Variants in KPNA5 observed in about 807,000 individuals in gnomAD.
KPNA5 encodes karyopherin subunit alpha 5.
Under a neutral mutation model 71.3 loss-of-function variants are expected in KPNA5, and 46 were observed. That is an observed-to-expected ratio of 0.65 (90% confidence interval 0.51 to 0.83). The LOEUF is 0.83. KPNA5 is among the 40% of genes least tolerant of loss of function. The probability of loss-of-function intolerance (pLI) is 0.00; values close to 1 mark genes in which losing one functional copy is unlikely to be tolerated. For synonymous variants in KPNA5, 207 were observed against 201.4 expected (o/e 1.03, Z -0.24); for missense variants, 547 against 628.3 (o/e 0.87, Z 1.38).
chr6:116,702,629 A>G (rs926150936), intron 6 of KPNA5, among the ~76,000 whole-genome samples: 1 of 152,178 alleles, frequency 6.6e-6, no homozygotes, highest in East Asian at 1.9e-4. Context: ...AGATCATGCC[A>G]CTGCACTCCA....
intron 12 of KPNA5, among the ~76,000 whole-genome samples, chr6:116,728,665 A>G (rs1257219933): frequency 6.6e-6 from 1 of 151,824 alleles, no homozygotes; most frequent in East Asian, 1.9e-4. Context: ...TTTAAGAGGG[A>G]CAGAAACTTT....
At chr6:116,717,544 A>G (rs1013080181) in intron 8 of KPNA5, among the ~76,000 whole-genome samples, 2 of 152,190 alleles carry the variant, frequency 1.3e-5, no homozygotes, top group African/African-American at 4.8e-5. Context: ...CATTTCTTGC[A>G]TCCTCAGAAG....
intron 4 of KPNA5, among the ~76,000 whole-genome samples, chr6:116,695,588 G>T (rs770436035): frequency 6.6e-6 from 1 of 152,096 alleles, no homozygotes; most frequent in Non-Finnish European, 1.5e-5. Flanking sequence ...TTGTGATCAG[G>T]TCAGCATAGA....
chr6:116,736,791 C>G lies in KPNA5; in HGVS notation c.*4468C>G, dbSNP rs776557351. 1.3e-5 allele frequency: 2 copies of G among 151,804 alleles called. No individual in the cohort carries two copies. The highest frequency in any genetic ancestry group is 2.9e-5 in the Non-Finnish European group (2 of 67,858). The allele number at this position is 151,804 out of a possible 1,614,324, so 9.4% of individuals were successfully genotyped here. On this transcript the variant is annotated 3_prime_UTR_variant, in exon 14 of 14. Transcript: ENST00000368564. ...TCATTTTGTATAGTTTTCATTGTTTCGTCTTCAAGTTCACTAATCTTGTCT... is the reference window on the plus strand; with the variant it reads ...TCATTTTGTATAGTTTTCATTGTTTGGTCTTCAAGTTCACTAATCTTGTCT...
At chr6:116,721,119 T>A (rs1267146677) in intron 8 of KPNA5, among the ~76,000 whole-genome samples, 1 of 152,170 alleles carries the variant, frequency 6.6e-6, no homozygotes, top group Non-Finnish European at 1.5e-5. Flanking sequence ...AAGAGGATAG[T>A]TTATATGCTG....
At chr6:116,710,900 T>G (rs1200479715) in intron 7 of KPNA5, among the ~76,000 whole-genome samples, 2 of 107,798 alleles carry the variant, frequency 1.9e-5, no homozygotes, top group Non-Finnish European at 3.7e-5. Flanking sequence ...TATATTTTTT[T>G]TTTTTTTTTT....
At chr6:116,683,194 C>A (rs1777426074) in intron 1 of KPNA5, among the ~76,000 whole-genome samples, 1 of 152,036 alleles carries the variant, frequency 6.6e-6, no homozygotes, top group African/African-American at 2.4e-5. Flanking sequence ...TTAAAAATTT[C>A]TGTTTTTTGT....
chr6:116,713,290 A>T (rs1203262473), intron 7 of KPNA5, among the ~76,000 whole-genome samples: 1 of 152,112 alleles, frequency 6.6e-6, no homozygotes, highest in Non-Finnish European at 1.5e-5. Context: ...GCTTTTGCTC[A>T]TGTGGGAATC....
chr6:116,725,635 C>T lies in KPNA5; in HGVS notation c.1000-116C>T. 3.2e-6 allele frequency: 3 copies of T among 939,598 alleles called. No homozygotes were observed. The South Asian group carries it at 6.0e-5, about 19-fold the overall frequency. The allele number at this position is 939,598 out of a possible 1,614,324, so 58.2% of individuals were successfully genotyped here. A position where few individuals can be genotyped will look rare whatever the true frequency, so the allele number is the denominator to read the frequency against. The stretch of plus-strand genomic sequence containing the variant: ...AAGTTTTACTTTGGGAGGAATTTCT[C>T]CTTTCTTAATTTCACTTTCTAGAAT... On this transcript the variant is annotated intron_variant, in intron 10 of 13. Transcript: ENST00000368564.
chr6:116,698,550 A>T (rs753648810), intron 4 of KPNA5, among the ~76,000 whole-genome samples, 154 bp from the exon 5 acceptor site: 6 of 152,094 alleles, frequency 3.9e-5, no homozygotes, highest in Non-Finnish European at 7.4e-5. Context: ...AATCTGGAGA[A>T]AATTTGACTT....
At chr6:116,726,468 C>T in intron 11 of KPNA5, 27 bp from the exon 12 acceptor site, 1 of 1,587,556 alleles carries the variant, frequency 6.3e-7, no homozygotes, top group Admixed American at 1.7e-5. Flanking sequence ...AGTATTTGTA[C>T]TGATTATATA....
intron 4 of KPNA5, among the ~76,000 whole-genome samples, chr6:116,694,217 C>T (rs964675306): frequency 2.0e-5 from 3 of 152,058 alleles, no homozygotes; most frequent in East Asian, 1.9e-4. Context: ...CTTGGCAATG[C>T]GGGCTCTTTT....
At chr6:116,704,418 T>C (rs12662830) in intron 6 of KPNA5, among the ~76,000 whole-genome samples, 7,461 of 152,282 alleles carry the variant, frequency 0.049, 193 homozygotes, top group African/African-American at 0.07. Flanking sequence ...AATGGTGTTA[T>C]AATATTATGA....
intron 6 of KPNA5, 92 bp from the exon 7 acceptor site, chr6:116,704,980 G>A: frequency 1.3e-6 from 1 of 740,934 alleles, no homozygotes; most frequent in Admixed American, 2.6e-5. Flanking sequence ...ATCAGAAACT[G>A]TTGCTTTGTT....
At chr6:116,696,706 C>T (rs932347876) in intron 4 of KPNA5, among the ~76,000 whole-genome samples, 5 of 152,026 alleles carry the variant, frequency 3.3e-5, no homozygotes, top group Admixed American at 2.6e-4. Context: ...AGGAGATATT[C>T]CCCCTATACT....
At chr6:116,726,883 T>A (rs1037989765) in intron 12 of KPNA5, among the ~76,000 whole-genome samples, 1 of 152,008 alleles carries the variant, frequency 6.6e-6, no homozygotes, top group African/African-American at 2.4e-5. Flanking sequence ...CTATGTTAAT[T>A]TGCAGAGTAC....
chr6:116,694,670 A>G (rs1202090682), intron 4 of KPNA5, among the ~76,000 whole-genome samples: 1 of 152,206 alleles, frequency 6.6e-6, no homozygotes, highest in Non-Finnish European at 1.5e-5. Flanking sequence ...ATATACAATC[A>G]GACATGATTT....
In KPNA5 at chr6:116,726,635, C is replaced by T; in HGVS notation, c.1253+13C>T. 1 of 1,547,102 alleles carries T rather than the reference C, an allele frequency of 6.5e-7. No homozygotes were observed. Among genetic ancestry groups the T allele is most frequent in the Non-Finnish European group, 8.7e-7 (1 of 1,154,226 alleles). On this transcript the variant is annotated intron_variant, in intron 12 of 13. Transcript: ENST00000368564. ...CAGAGCAAATAAGGTATGATATAAA[C>T]TTCTTAATTGTTTTTTACATGTAAA...
chr6:116,727,598 G>C (rs566397410), intron 12 of KPNA5, among the ~76,000 whole-genome samples: 2 of 152,044 alleles, frequency 1.3e-5, no homozygotes, highest in South Asian at 4.2e-4. Flanking sequence ...TGAGAGGAAG[G>C]GTGTCTTGGA....
Sources: gnomAD v4.1 joint callset for allele counts (sites outside exome capture counted in the v4.1 genomes callset) on GRCh38, gnomAD v4.1.1 for gene constraint, MANE v1.5 for transcripts, NCBI Gene and HGNC (gene_info 2026-07-23, HGNC 2026-07-21) for gene names.